EDIL3: variants seen among roughly 807,000 people sequenced by gnomAD.
EDIL3 encodes the protein EGF like and discoidin domains 3, also known as EGF-like repeat and discoidin I-like domain-containing protein 3.
EDIL3 carries 37 observed loss-of-function variants against 67.4 expected under a neutral mutation model. That is an observed-to-expected ratio of 0.55 (90% CI 0.42 to 0.72). EDIL3 has a LOEUF of 0.72. EDIL3 is among the 30% of genes least tolerant of loss of function. The pLI is 0.00. For synonymous variants in EDIL3, 195 were observed against 196.3 expected, an observed-to-expected ratio of 0.99 and a Z score of 0.05; for missense variants, 527 against 586.3, an observed-to-expected ratio of 0.90 and a Z score of 1.04.
At chr5:84,133,464 C>CAAAAAAAA (rs5869210) in intron 5 of EDIL3, among the ~76,000 whole-genome samples, 373 of 86,382 alleles carry the variant, frequency 4.3e-3, no homozygotes, top group African/African-American at 7.2e-3. Context: ...ACTAAAAATA[C>CAAAAAAAA]AAAAAAAAAA....
chr5:84,157,308 C>T (rs1748510645), intron 4 of EDIL3, among the ~76,000 whole-genome samples: 1 of 151,682 alleles, frequency 6.6e-6, no homozygotes, highest in Non-Finnish European at 1.5e-5. Flanking sequence ...CACATGTACC[C>T]CTGAACTTAA....
intron 2 of EDIL3, among the ~76,000 whole-genome samples, chr5:84,247,586 G>T (rs1203786042): frequency 2.6e-5 from 4 of 152,018 alleles, no homozygotes; most frequent in Non-Finnish European, 5.9e-5. Flanking sequence ...GAAAGCTGAG[G>T]AACAGATTAT....
chr5:84,360,726 T>C (rs1747579299), intron 1 of EDIL3, among the ~76,000 whole-genome samples: 1 of 152,094 alleles, frequency 6.6e-6, no homozygotes, highest in South Asian at 2.1e-4. Flanking sequence ...TGGCAAAAAG[T>C]GGTCCTTTAG....
At chr5:84,308,490 T>A (rs1342564470) in intron 1 of EDIL3, among the ~76,000 whole-genome samples, 1 of 152,340 alleles carries the variant, frequency 6.6e-6, no homozygotes, top group East Asian at 1.9e-4. Context: ...AAAATAGTGA[T>A]CATCTTAATT....
At chr5:84,073,344 C>T (rs1746780971) in intron 6 of EDIL3, among the ~76,000 whole-genome samples, 1 of 152,012 alleles carries the variant, frequency 6.6e-6, no homozygotes, top group African/African-American at 2.4e-5. Context: ...AAGTTCTGGC[C>T]AGGGCAATTA....
intron 3 of EDIL3, among the ~76,000 whole-genome samples, chr5:84,203,732 T>G (rs572307363): frequency 1.4e-4 from 22 of 152,208 alleles, no homozygotes. Flanking sequence ...CTTATCTCAT[T>G]TTTAGACTCA....
chr5:84,036,108 T>C (rs1416535926), intron 9 of EDIL3, among the ~76,000 whole-genome samples: 1 of 152,194 alleles, frequency 6.6e-6, no homozygotes, highest in Non-Finnish European at 1.5e-5. Context: ...TCAGAACCAA[T>C]GACCACTATT....
At chr5:84,315,469 T>C (rs1006703976) in intron 1 of EDIL3, among the ~76,000 whole-genome samples, 5 of 152,222 alleles carry the variant, frequency 3.3e-5, no homozygotes, top group Admixed American at 6.5e-5. Context: ...TATAGCATGA[T>C]ACCTTCAGTC....
intron 6 of EDIL3, among the ~76,000 whole-genome samples, chr5:84,079,488 T>C (rs551927795): frequency 9.9e-5 from 15 of 152,116 alleles, no homozygotes; most frequent in Non-Finnish European, 1.8e-4. Context: ...AACTGGTTGT[T>C]GGTGGGGAGA....
chr5:84,187,777 C>T (rs1252272676), intron 3 of EDIL3, among the ~76,000 whole-genome samples: 6 of 151,806 alleles, frequency 4.0e-5, no homozygotes, highest in Non-Finnish European at 7.4e-5. Context: ...ATTCTGGGAA[C>T]GCTCACATGA....
rs1332654295 is a variant in EDIL3, at chr5:84,102,465, C to T, written c.651+4184G>A. ...TCTAGGAAACCCCACAGTCTAGGCC[C>T]GAATGATCCTTAAGCTGATAAACAC... On this transcript the variant is annotated intron_variant, in intron 6 of 10. Transcript: ENST00000296591. Among the ~76,000 whole-genome samples the T allele has an allele frequency of 9.2e-5, 14 of 151,802 alleles. No homozygotes were observed. In the South Asian group the frequency reaches 2.3e-3, roughly 25 times the overall value.
At chr5:84,043,628 T>C (rs1463566543) in intron 9 of EDIL3, among the ~76,000 whole-genome samples, 1 of 152,196 alleles carries the variant, frequency 6.6e-6, no homozygotes, top group Non-Finnish European at 1.5e-5. Context: ...AGAAACTGGA[T>C]TTTTGGGTCA....
At chr5:84,302,975 G>C (rs562382747) in intron 1 of EDIL3, among the ~76,000 whole-genome samples, 3 of 152,292 alleles carry the variant, frequency 2.0e-5, no homozygotes, top group African/African-American at 7.2e-5. Context: ...AAATCAGAGA[G>C]AGATAGGTAG....
intron 4 of EDIL3, among the ~76,000 whole-genome samples, chr5:84,141,754 G>T (rs928999277): frequency 6.7e-6 from 1 of 148,896 alleles, no homozygotes; most frequent in African/African-American, 2.4e-5. Flanking sequence ...GCATAACTCA[G>T]ACTCTTTATC....
intron 1 of EDIL3, among the ~76,000 whole-genome samples, chr5:84,322,444 G>A (rs558369919): frequency 1.6e-4 from 24 of 152,172 alleles, no homozygotes; most frequent in African/African-American, 5.8e-4. Context: ...AAATTCATTA[G>A]AAGTATCCAA....
intron 6 of EDIL3, among the ~76,000 whole-genome samples, chr5:84,092,400 T>G (rs1184376599): frequency 1.3e-5 from 2 of 152,180 alleles, no homozygotes; most frequent in African/African-American, 4.8e-5. Context: ...ATGGTCAAAA[T>G]GTATAGCAAG....
At chr5:84,134,725 A>C (rs908857049) in intron 5 of EDIL3, among the ~76,000 whole-genome samples, 1 of 152,120 alleles carries the variant, frequency 6.6e-6, no homozygotes, top group Non-Finnish European at 1.5e-5. Flanking sequence ...ATGTCCTTAA[A>C]ATTTAATAAA....
At chr5:84,240,872 C>T (rs551401407) in intron 2 of EDIL3, among the ~76,000 whole-genome samples, 10 of 152,290 alleles carry the variant, frequency 6.6e-5, no homozygotes, top group African/African-American at 1.9e-4. Flanking sequence ...TATTAAAACA[C>T]CTTATAAACT....
chr5:84,289,291 T>G (rs1020040099), intron 1 of EDIL3, among the ~76,000 whole-genome samples: 2 of 152,168 alleles, frequency 1.3e-5, no homozygotes, highest in African/African-American at 4.8e-5. Context: ...ATAAGAGTGT[T>G]TGTTTAACTT....
Sources: allele counts gnomAD v4.1 joint callset (sites outside exome capture counted in the v4.1 genomes callset), GRCh38; gene constraint gnomAD v4.1.1; transcripts MANE v1.5; gene names NCBI Gene and HGNC (gene_info 2026-07-23, HGNC 2026-07-21).